ASAH2: variants seen among roughly 807,000 people sequenced by gnomAD.
The protein encoded by ASAH2 is neutral ceramidase.
A neutral mutation model predicts 82.9 loss-of-function variants in ASAH2; 58 were observed. The ratio of observed to expected loss-of-function variants is 0.70; its 90% confidence interval spans 0.57 to 0.87. The LOEUF is 0.87. ASAH2 is among the 40% of genes least tolerant of loss of function. The pLI is 0.00. For missense variants in ASAH2, 779 were observed against 834.0 expected (o/e 0.93, Z 0.81); for synonymous variants, 276 against 289.7 (o/e 0.95, Z 0.48).
chr10:50,215,018 C>T (rs35623957), intron 8 of ASAH2, 150 bp from the exon 9 acceptor site: 386,446 of 958,734 alleles, frequency 0.4, 84,378 homozygotes, highest in Non-Finnish European at 0.45. Flanking sequence ...CTGTAGGTTG[C>T]CTGTTCACTC....
intron 10 of ASAH2, among the ~76,000 whole-genome samples, chr10:50,211,580 G>A (rs1351526554): frequency 3.3e-5 from 5 of 152,232 alleles, no homozygotes; most frequent in Non-Finnish European, 7.4e-5. Context: ...AAGACTTCAA[G>A]CCCTGCTTTG....
chr10:50,223,054 G>T (rs987283687), intron 7 of ASAH2, among the ~76,000 whole-genome samples: 2 of 152,150 alleles, frequency 1.3e-5, no homozygotes, highest in African/African-American at 2.4e-5. Context: ...TAAAAATACA[G>T]CAGAAAGTCA....
Position 50,235,996 on chromosome 10 carries a change from A to G in ASAH2, c.579T>C (p.Thr193=). The change falls in exon 5 of 21, where the codon ACT becomes ACC. Residue 193 remains threonine (T), a synonymous_variant. Transcript: ENST00000682911. ...ATCCTGCAGGACCTGAATGAGTGTG[A>G]GTGCCACTCAGGATGACATTATCTC... is the stretch of plus-strand genomic sequence containing the variant. The part of the protein sequence containing the change: ...YRRDNVILSG[T]HTHSGPAGYF... The G allele has an allele frequency of 6.2e-7, 1 of 1,613,318 alleles. No individual in the cohort carries two copies. The highest frequency in any genetic ancestry group is 1.7e-5 in the Admixed American group (1 of 59,946).
chr10:50,249,222 A>T (rs1846552228), intron 1 of ASAH2, among the ~76,000 whole-genome samples: 2 of 152,196 alleles, frequency 1.3e-5, no homozygotes, highest in Non-Finnish European at 2.9e-5. Context: ...AAAGGGAATT[A>T]GTACCTCTGG....
intron 7 of ASAH2, among the ~76,000 whole-genome samples, chr10:50,232,749 A>C (rs1446885722): frequency 1.3e-5 from 2 of 152,062 alleles, no homozygotes; most frequent in Admixed American, 1.3e-4. Flanking sequence ...TAATCCTTTT[A>C]GGGAAACACA....
intron 17 of ASAH2, among the ~76,000 whole-genome samples, chr10:50,197,959 C>A (rs1235776936): frequency 3.3e-4 from 50 of 151,496 alleles, no homozygotes; most frequent in African/African-American, 1.2e-3. Context: ...AACAGTTATT[C>A]AAAAAAAGTA....
chr10:50,235,052 A>G lies in ASAH2; in HGVS notation c.688-500T>C, dbSNP rs558222140. On this transcript the variant is annotated intron_variant, in intron 5 of 20. Coordinates refer to ENST00000682911, the MANE Select transcript of ASAH2 (RefSeq NM_019893.4). ...TACACATCAACATATGCATCCCAAA[A>G]CAAAAGTCCACAAAGCAAACTATAC... Among the ~76,000 whole-genome samples the G allele has an allele frequency of 2.0e-5, 3 of 152,246 alleles. No individual in the cohort carries two copies. In the South Asian group the frequency reaches 6.2e-4, roughly 32 times the overall value.
At chr10:50,195,820 C>G (rs1458261368) in intron 18 of ASAH2, among the ~76,000 whole-genome samples, 4 of 151,640 alleles carry the variant, frequency 2.6e-5, no homozygotes, top group Non-Finnish European at 5.9e-5. Flanking sequence ...CATGATCTCA[C>G]TTATATATAG....
intron 8 of ASAH2, among the ~76,000 whole-genome samples, chr10:50,215,938 A>G (rs1051698976): frequency 1.3e-5 from 2 of 152,178 alleles, no homozygotes; most frequent in African/African-American, 2.4e-5. Context: ...TAGACTGGAT[A>G]AAGAAAATGT....
chr10:50,206,059 C>A lies in ASAH2; in HGVS notation c.1453G>T (p.Asp485Tyr). ...TCAGATGGCTTTCCCAGGATCTGGTCCCGAATGGTGTCCCAAAATGGATCC... is the reference window on the plus strand; with the variant it reads ...TCAGATGGCTTTCCCAGGATCTGGTACCGAATGGTGTCCCAAAATGGATCC... ...EGDPFWDTIR[D>Y]QILGKPSEEI... is the part of the protein sequence containing the mutation. The change falls in exon 13 of 21, where the codon GAC (aspartate) becomes TAC (tyrosine). Residue 485 changes from aspartate (D) to tyrosine (Y), a missense_variant. Around this residue, in one of 3 missense-constraint regions of ASAH2, gnomAD observed 759 missense variants for 755.2 expected, o/e 1.00. Transcript: ENST00000682911. The A allele has an allele frequency of 6.2e-7, 1 of 1,612,608 alleles. No individual in the cohort carries two copies. Among genetic ancestry groups the A allele is most frequent in the South Asian group, 1.1e-5 (1 of 91,050 alleles).
At chr10:50,220,283 T>C (rs1845706910) in intron 7 of ASAH2, among the ~76,000 whole-genome samples, 1 of 152,182 alleles carries the variant, frequency 6.6e-6, no homozygotes, top group Non-Finnish European at 1.5e-5. Flanking sequence ...AGATAAATAC[T>C]GAAATATTTA....
chr10:50,214,722 T>C (rs1281043007), intron 9 of ASAH2, 21 bp downstream of exon 9: 11 of 1,613,198 alleles, frequency 6.8e-6, no homozygotes, highest in Non-Finnish European at 7.6e-6. Flanking sequence ...AACAAAGATT[T>C]CATGTGTCAT....
intron 4 of ASAH2, among the ~76,000 whole-genome samples, chr10:50,241,488 A>G (rs1326074657): frequency 6.6e-6 from 1 of 152,200 alleles, no homozygotes; most frequent in Non-Finnish European, 1.5e-5. Flanking sequence ...TGACACTAGC[A>G]AAGTACCTTA....
At chr10:50,202,572 A>G (rs1845180339) in intron 16 of ASAH2, among the ~76,000 whole-genome samples, 2 of 152,098 alleles carry the variant, frequency 1.3e-5, no homozygotes, top group Admixed American at 1.3e-4. Context: ...CAGGCTTGTT[A>G]CCAATGCCCC....
chr10:50,230,749 A>T (rs1444490723), intron 7 of ASAH2, among the ~76,000 whole-genome samples: 1 of 152,136 alleles, frequency 6.6e-6, no homozygotes, highest in Non-Finnish European at 1.5e-5. Context: ...TTATTAAATG[A>T]TTCAAAAACT....
intron 14 of ASAH2, among the ~76,000 whole-genome samples, chr10:50,204,496 A>T (rs1845242147): frequency 6.6e-6 from 1 of 151,876 alleles, no homozygotes; most frequent in East Asian, 1.9e-4. Flanking sequence ...GGAAGACAAC[A>T]TATCAAGGAG....
intron 4 of ASAH2, among the ~76,000 whole-genome samples, chr10:50,239,704 T>C (rs1425808721): frequency 1.3e-5 from 2 of 152,062 alleles, no homozygotes; most frequent in African/African-American, 2.4e-5. Flanking sequence ...ACCTCCCTCA[T>C]AGAGTCGTTT....
chr10:50,233,475 C>G (rs1050907231), intron 6 of ASAH2, among the ~76,000 whole-genome samples: 21 of 151,974 alleles, frequency 1.4e-4, no homozygotes, highest in African/African-American at 5.1e-4. Flanking sequence ...CTAGGTCAAG[C>G]GACTGGAGCT....
At chr10:50,247,947 A>G (rs1476338537) in intron 2 of ASAH2, among the ~76,000 whole-genome samples, 1 of 152,182 alleles carries the variant, frequency 6.6e-6, no homozygotes, top group South Asian at 2.1e-4. Context: ...CACCTGGGAG[A>G]GGCTGTAGGC....
Sources: allele counts gnomAD v4.1 joint callset (sites outside exome capture counted in the v4.1 genomes callset), GRCh38; gene constraint gnomAD v4.1.1; regional missense constraint gnomAD v4.1.1; transcripts MANE v1.5; gene names NCBI Gene and HGNC (gene_info 2026-07-23, HGNC 2026-07-21).